DCP1B: variants seen among roughly 807,000 people sequenced by gnomAD.
DCP1B encodes the protein decapping mRNA 1B.
In DCP1B, 47 loss-of-function variants were observed where a neutral mutation model predicts 60.5. The ratio of observed to expected loss-of-function variants is 0.78; its 90% CI spans 0.61 to 0.99. The LOEUF (loss-of-function observed/expected upper bound fraction) is 0.99. DCP1B is among the 50% of genes least tolerant of loss of function. The pLI is 0.00. For missense variants in DCP1B, 725 were observed against 756.8 expected (o/e 0.96, Z 0.49); for synonymous variants, 267 against 280.3 (o/e 0.95, Z 0.47).
chr12:1,956,535 C>T, intron 5 of DCP1B, among the ~76,000 whole-genome samples: 1 of 152,204 alleles, frequency 6.6e-6, no homozygotes, highest in Non-Finnish European at 1.5e-5. Context: ...CCACTGTATG[C>T]ACTGTATGTG....
chr12:2,004,151 A>C, intron 1 of DCP1B, 131 bp downstream of exon 1: 8 of 1,278,318 alleles, frequency 6.3e-6, no homozygotes, highest in South Asian at 6.1e-5. Flanking sequence ...CTTCGGCCTC[A>C]GTCCCCAGAT....
At position 1,955,436 on chromosome 12, in the gene DCP1B, T is replaced by C. The variant is rs34730825; in HGVS notation, c.647A>G (p.Asn216Ser). ...ENQQQRIPQP[N>S]QTLDPEPQHL... ...GACAAGCAGAGAACTCCGTACCTGG[T>C]TGGGCTGAGGTATACGCTGTTGCTG... Residue 216 changes from asparagine to serine, a missense_variant, in exon 6 of 9, where the codon AAC becomes AGC. Transcript: ENST00000280665. The C allele has an allele frequency of 0.033, 53,522 of 1,606,164 alleles. 1,181 individuals are homozygous for C. The highest frequency in any genetic ancestry group is 0.074 in the Middle Eastern group (446 of 6,044).
chr12:1,942,511 C>A (rs1341896912), downstream of DCP1B, among the ~76,000 whole-genome samples: 1 of 152,236 alleles, frequency 6.6e-6, no homozygotes, highest in Non-Finnish European at 1.5e-5. Context: ...CCACATCACA[C>A]TTATTCTAAA....
chr12:2,000,910 G>A (rs1007341618), intron 1 of DCP1B, among the ~76,000 whole-genome samples: 2 of 152,088 alleles, frequency 1.3e-5, no homozygotes, highest in African/African-American at 2.4e-5. Flanking sequence ...GGTGGCAGGC[G>A]CCTGTAATCC....
chr12:1,952,690 A>G lies in DCP1B; in HGVS notation c.1250T>C (p.Val417Ala). 7 of 1,614,052 alleles carry G rather than the reference A, an allele frequency of 4.3e-6. No individual in the cohort carries two copies. The highest frequency in any genetic ancestry group is 5.9e-6 in the Non-Finnish European group (7 of 1,180,030). Residue 417 changes from valine to alanine, a missense_variant, in exon 7 of 9, where the codon GTA becomes GCA. Physicochemically the swap from Val to Ala is moderately conservative, Grantham distance 64. Coordinates refer to ENST00000280665, the MANE Select transcript of DCP1B (RefSeq NM_152640.5). Reference sequence around the variant, plus strand: ...TTCTCTTCCATGAGCCTGATGTCCTACTGTCTGAGGTGGAAGGGAGCCATT... The same window carrying G: ...TTCTCTTCCATGAGCCTGATGTCCTGCTGTCTGAGGTGGAAGGGAGCCATT... ...YFNGSLPPQT[V>A]GHQAHGREQS...
At chr12:1,950,827 A>G (rs1166949106) in intron 7 of DCP1B, among the ~76,000 whole-genome samples, 4 of 152,172 alleles carry the variant, frequency 2.6e-5, no homozygotes, top group African/African-American at 9.6e-5. Context: ...AAAACAAAAA[A>G]TTCTTGTAGA....
In DCP1B at chr12:2,004,428, C is replaced by A. The variant is rs773777304; in HGVS notation, c.4G>T (p.Ala2Ser). 6.2e-7 allele frequency: 1 copy of A among 1,608,722 alleles called. No individual in the cohort carries two copies. Among genetic ancestry groups the A allele is most frequent in the South Asian group, 1.1e-5 (1 of 90,326 alleles). Reference protein sequence around the residue: MAAVAAGGLVGK... With the variant: MSAVAAGGLVGK... Reference sequence around the variant, plus strand: ...ACCAGGCCGCCTGCCGCCACGGCTGCCATCTTCCCTCCCTCCCAGACATAG... The same window carrying A: ...ACCAGGCCGCCTGCCGCCACGGCTGACATCTTCCCTCCCTCCCAGACATAG... Residue 2 changes from alanine (A) to serine (S), a missense_variant, in exon 1 of 9, where the codon GCA (alanine) becomes TCA (serine). Transcript: ENST00000280665.
At chr12:1,979,241 T>C (rs2035380775) in intron 3 of DCP1B, among the ~76,000 whole-genome samples, 1 of 152,208 alleles carries the variant, frequency 6.6e-6, no homozygotes, top group Non-Finnish European at 1.5e-5. Context: ...CTCAAACTCC[T>C]GACCTCAGGT....
chr12:1,965,595 A>G lies in DCP1B; in HGVS notation c.485T>C (p.Leu162Ser), dbSNP rs1344464501. 6.2e-7 allele frequency: 1 copy of G among 1,613,768 alleles called. No individual in the cohort carries two copies. Among genetic ancestry groups the G allele is most frequent in the Non-Finnish European group, 8.5e-7 (1 of 1,179,858 alleles). ...NSGEGKEVDI[L>S]RMLIKAKDEY... ...GTCTTTGGCCTTGATGAGCATTCGTAAAATGTCTACTTCTTTGCCCTCTCC... is the reference window on the plus strand; with the variant it reads ...GTCTTTGGCCTTGATGAGCATTCGTGAAATGTCTACTTCTTTGCCCTCTCC... The change falls in exon 5 of 9, where the codon TTA (leucine) becomes TCA (serine). Residue 162 changes from leucine to serine, a missense_variant. Physicochemically the swap from Leu to Ser is moderately radical, Grantham distance 145. Transcript: ENST00000280665.
intron 1 of DCP1B, among the ~76,000 whole-genome samples, chr12:1,998,239 A>G (rs1448642648): frequency 6.6e-6 from 1 of 152,242 alleles, no homozygotes; most frequent in Admixed American, 6.5e-5. Flanking sequence ...CAGGGATAGC[A>G]GCATACCCTT....
chr12:1,950,158 C>G, intron 7 of DCP1B: 1 of 582,594 alleles, frequency 1.7e-6, no homozygotes. Flanking sequence ...GGCCAGCAAG[C>G]TAGAAGTTGC....
intron 4 of DCP1B, among the ~76,000 whole-genome samples, chr12:1,966,473 C>T (rs113777816): frequency 0.027 from 4,152 of 152,258 alleles, 95 homozygotes; most frequent in Middle Eastern, 0.054. Flanking sequence ...CTTATTATTG[C>T]CATGAAGTTT....
intron 8 of DCP1B, among the ~76,000 whole-genome samples, chr12:1,947,587 G>A (rs2030484406): frequency 6.6e-6 from 1 of 152,162 alleles, no homozygotes; most frequent in Admixed American, 6.5e-5. Context: ...AATGTGAAGG[G>A]AATCAGCCAG....
intron 3 of DCP1B, among the ~76,000 whole-genome samples, chr12:1,974,779 C>G (rs2033776936): frequency 6.6e-6 from 1 of 152,186 alleles, no homozygotes; most frequent in Non-Finnish European, 1.5e-5. Context: ...ATTCCAGCAA[C>G]ACACTGACAA....
intron 3 of DCP1B, among the ~76,000 whole-genome samples, chr12:1,987,138 G>A (rs1475070810): frequency 2.6e-5 from 4 of 152,128 alleles, no homozygotes; most frequent in African/African-American, 9.7e-5. Context: ...CTTTACAAAC[G>A]ATTTGTTAAT....
intron 5 of DCP1B, among the ~76,000 whole-genome samples, chr12:1,957,479 C>A (rs1012460530): frequency 6.6e-6 from 1 of 152,060 alleles, no homozygotes; most frequent in East Asian, 1.9e-4. Flanking sequence ...TGAATTCTAT[C>A]ATTCAACAAA....
chr12:1,947,013 T>C (rs1470677336), intron 8 of DCP1B, among the ~76,000 whole-genome samples: 2 of 152,230 alleles, frequency 1.3e-5, no homozygotes, highest in African/African-American at 4.8e-5. Context: ...CCAAGTCACC[T>C]ACAATGTGTC....
intron 3 of DCP1B, chr12:1,992,091 T>C (rs1418172671): frequency 5.6e-6 from 2 of 356,272 alleles, no homozygotes; most frequent in Non-Finnish European, 1.2e-5. Flanking sequence ...GAATTCCAAG[T>C]CTTTAGTAAT....
At chr12:1,970,313 C>G (rs923193331) in intron 3 of DCP1B, among the ~76,000 whole-genome samples, 8 of 152,122 alleles carry the variant, frequency 5.3e-5, no homozygotes, top group African/African-American at 1.9e-4. Context: ...CCATTTATCT[C>G]CAAAGCAACA....
Sources: gnomAD v4.1 joint callset for allele counts (sites outside exome capture counted in the v4.1 genomes callset) on GRCh38, gnomAD v4.1.1 for gene constraint, MANE v1.5 for transcripts, NCBI Gene and HGNC (gene_info 2026-07-23, HGNC 2026-07-21) for gene names.